The following DSCAM variants were observed in gnomAD, a reference collection of about 807,000 sequenced individuals.
DSCAM encodes the protein cell adhesion molecule DSCAM.
DSCAM carries 47 observed loss-of-function variants against 217.7 expected under a neutral mutation model. That is an observed-to-expected ratio of 0.22 (90% CI 0.17 to 0.28). The LOEUF is 0.28. Ranked by LOEUF, DSCAM falls within the 10% of genes least tolerant of loss-of-function variation. The pLI, the probability that DSCAM is intolerant of heterozygous loss-of-function variation, is 1.00. For synonymous variants in DSCAM, 1,056 were observed against 1,015.3 expected (o/e 1.04, Z -0.76); for missense variants, 2,080 against 2,618.3 (o/e 0.79, Z 4.49).
intron 10 of DSCAM, among the ~76,000 whole-genome samples, chr21:40,282,546 G>A (rs1442120955): frequency 1.5e-5 from 2 of 132,398 alleles, no homozygotes; most frequent in East Asian, 2.3e-4. Flanking sequence ...AGCCAAGACA[G>A]CGCCACTGCA....
intron 3 of DSCAM, among the ~76,000 whole-genome samples, chr21:40,498,345 T>C (rs2146028060): frequency 6.6e-6 from 1 of 152,110 alleles, no homozygotes; most frequent in South Asian, 2.1e-4. Context: ...ACACCTGCTC[T>C]GCAAGACTGC....
intron 11 of DSCAM, among the ~76,000 whole-genome samples, chr21:40,266,082 G>A (rs2073522377): frequency 6.6e-6 from 1 of 152,160 alleles, no homozygotes; most frequent in South Asian, 2.1e-4. Context: ...CAGAATGGAA[G>A]TAAATATTTG....
intron 3 of DSCAM, among the ~76,000 whole-genome samples, chr21:40,604,128 AT>A (rs899240389): frequency 1.3e-5 from 2 of 148,350 alleles, no homozygotes; most frequent in Admixed American, 1.3e-4. Flanking sequence ...TTTTCCATTC[AT>A]TTTTTTTCTC....
rs559907305 is a variant in DSCAM, at chr21:40,376,601, T to G, written c.509-7356A>C. ...TATCTATATATCTTATATCGATATC[T>G]ATATATCTTATATAGATATCGATAT... On this transcript the variant is annotated intron_variant, in intron 3 of 32. Coordinates refer to ENST00000400454, the MANE Select transcript of DSCAM (RefSeq NM_001389.5). 2.3e-3 allele frequency among the ~76,000 whole-genome samples: 275 copies of G among 120,330 alleles called. 7 individuals are homozygous for G. Among genetic ancestry groups the G allele is most frequent in the African/African-American group, 8.3e-3 (244 of 29,248 alleles). The allele number at this position is 120,330 out of a possible 152,430, so 78.9% of individuals were successfully genotyped here.
Position 40,789,267 on chromosome 21 carries a change from T to TAA in DSCAM, c.43+57350_43+57351dup, listed in dbSNP as rs200298125. On this transcript the variant is annotated intron_variant, in intron 1 of 32. Coordinates refer to ENST00000400454, the MANE Select transcript of DSCAM (RefSeq NM_001389.5). Reference sequence around the variant, plus strand: ...ATAGCCGGAAGAAGACAATCAAGATTAAAAAAAAAAAAAATCACACTTTCA... The same window carrying TAA: ...ATAGCCGGAAGAAGACAATCAAGATTAAAAAAAAAAAAAAAATCACACTTTCA... 1.4e-3 allele frequency among the ~76,000 whole-genome samples: 209 copies of TAA among 146,388 alleles called. 1 individual carries two copies. Among genetic ancestry groups the TAA allele is most frequent in the South Asian group, 4.4e-3 (20 of 4,596 alleles).
chr21:40,302,000 G>C (rs1396278043), intron 9 of DSCAM, among the ~76,000 whole-genome samples: 1 of 152,122 alleles, frequency 6.6e-6, no homozygotes, highest in Non-Finnish European at 1.5e-5. Context: ...TGCCGTTTGG[G>C]CCAAAACTTA....
chr21:40,176,541 C>T (rs1322221303), intron 15 of DSCAM, among the ~76,000 whole-genome samples: 1 of 152,168 alleles, frequency 6.6e-6, no homozygotes, highest in South Asian at 2.1e-4. Flanking sequence ...AATGAGGATG[C>T]CTTTGGCCAG....
intron 3 of DSCAM, among the ~76,000 whole-genome samples, chr21:40,425,592 T>G (rs1291199208): frequency 7.1e-6 from 1 of 141,806 alleles, no homozygotes; most frequent in Non-Finnish European, 1.5e-5. Flanking sequence ...GTGCCTGTAA[T>G]CCCAGTTGTT....
rs1012604247 is a variant in DSCAM at position 40,747,325 on chromosome 21, A to T, written c.44-38554T>A. Among the ~76,000 whole-genome samples the T allele has an allele frequency of 3.3e-5, 5 of 151,422 alleles. 1 individual carries two copies. Among genetic ancestry groups the T allele is most frequent in the Non-Finnish European group, 7.4e-5 (5 of 67,674 alleles). ...CAACAAACCTTAAGCTAGACTAAGGAAAAAGAGAAAGGACTCAAATAAATA... is the reference window on the plus strand; with the variant it reads ...CAACAAACCTTAAGCTAGACTAAGGTAAAAGAGAAAGGACTCAAATAAATA... On this transcript the variant is annotated intron_variant, in intron 1 of 32. Transcript: ENST00000400454.
intron 1 of DSCAM, among the ~76,000 whole-genome samples, chr21:40,752,896 G>A (rs559873925): frequency 2.0e-5 from 3 of 152,268 alleles, no homozygotes; most frequent in East Asian, 3.9e-4. Flanking sequence ...TTAAATAATA[G>A]ACACTAAGCA....
At chr21:40,061,569 CAAAA>C in intron 28 of DSCAM, among the ~76,000 whole-genome samples, 1 of 86,348 alleles carries the variant, frequency 1.2e-5, no homozygotes. Flanking sequence ...AACTCTGTCC[CAAAA>C]AAAAAAAAAA....
chr21:40,428,522 A>C (rs2075498726), intron 3 of DSCAM, among the ~76,000 whole-genome samples: 1 of 152,058 alleles, frequency 6.6e-6, no homozygotes, highest in African/African-American at 2.4e-5. Flanking sequence ...CACCCGCCTC[A>C]GCCTCCAAAA....
intron 20 of DSCAM, among the ~76,000 whole-genome samples, chr21:40,117,903 A>AAACAATAAACATTTTT (rs2089990570): frequency 6.8e-6 from 1 of 146,562 alleles, no homozygotes; most frequent in African/African-American, 2.8e-5. Context: ...AAACATTTTT[A>AAACAATAAACATTTTT]CCAAAGAGGA....
At position 40,457,613 on chromosome 21, in the gene DSCAM, AC is replaced by A. The variant is rs368243497; in HGVS notation, c.509-88369del. On this transcript the variant is annotated intron_variant, in intron 3 of 32. Transcript: ENST00000400454. ...GAGTTAGCCATTATAAAAACTAAAA[AC>A]ATCCCACATTTTCATATTATGAAAA... Among the ~76,000 whole-genome samples, 109 of 152,312 alleles carry A rather than the reference AC, an allele frequency of 7.2e-4. 1 individual carries two copies. The highest frequency in any genetic ancestry group is 2.5e-3 in the African/African-American group (104 of 41,564).
chr21:40,141,666 C>G (rs1035582235), intron 18 of DSCAM, among the ~76,000 whole-genome samples: 2 of 151,682 alleles, frequency 1.3e-5, no homozygotes, highest in African/African-American at 4.9e-5. Flanking sequence ...TGTCCAGTGA[C>G]GGGGGGTGCA....
intron 3 of DSCAM, among the ~76,000 whole-genome samples, chr21:40,520,034 T>G (rs1347984249): frequency 3.3e-5 from 5 of 152,168 alleles, no homozygotes; most frequent in Admixed American, 6.5e-5. Flanking sequence ...AAGCACATAT[T>G]TATATTATTT....
At chr21:40,669,783 T>G (rs2090250522) in intron 3 of DSCAM, among the ~76,000 whole-genome samples, 1 of 152,102 alleles carries the variant, frequency 6.6e-6, no homozygotes, top group Non-Finnish European at 1.5e-5. Flanking sequence ...TTCATCATGT[T>G]GGCAGGGCTC....
intron 1 of DSCAM, among the ~76,000 whole-genome samples, chr21:40,779,541 G>A (rs934165924): frequency 3.3e-5 from 5 of 152,196 alleles, no homozygotes; most frequent in East Asian, 1.9e-4. Flanking sequence ...TAAGAGAGGC[G>A]AAGCTGCTGT....
intron 11 of DSCAM, among the ~76,000 whole-genome samples, chr21:40,213,132 C>A (rs2091201809): frequency 6.6e-6 from 1 of 152,226 alleles, no homozygotes; most frequent in Non-Finnish European, 1.5e-5. Context: ...AAACGGATGC[C>A]ATCTTCAAGA....
Sources: gnomAD v4.1 joint callset for allele counts (sites outside exome capture counted in the v4.1 genomes callset) on GRCh38, gnomAD v4.1.1 for gene constraint, MANE v1.5 for transcripts, NCBI Gene and HGNC (gene_info 2026-07-23, HGNC 2026-07-21) for gene names.